The following EMILIN2 variants were observed in gnomAD, a reference collection of about 807,000 sequenced individuals.
The protein encoded by EMILIN2 is EMILIN-2.
A neutral mutation model predicts 87.1 loss-of-function variants in EMILIN2; 71 were observed. The observed-to-expected ratio is 0.82, with a 90% CI of 0.67 to 0.99. The LOEUF is 0.99. Ranked by LOEUF, EMILIN2 falls within the 50% of genes least tolerant of loss-of-function variation. The pLI is 0.00. For missense variants in EMILIN2, 1,407 were observed against 1,371.8 expected, an observed-to-expected ratio of 1.03 and a Z score of -0.40; for synonymous variants, 581 against 563.4, an observed-to-expected ratio of 1.03 and a Z score of -0.44.
intron 5 of EMILIN2, among the ~76,000 whole-genome samples, 185 bp downstream of exon 5, chr18:2,907,270 C>T (rs1293095696): frequency 1.3e-5 from 2 of 152,212 alleles, no homozygotes; most frequent in East Asian, 1.9e-4. Flanking sequence ...ACACGGAGGC[C>T]GGGGCACCTC....
At chr18:2,909,562 T>C (rs972456166) in intron 6 of EMILIN2, 129 bp from the exon 7 acceptor site, 194 of 1,241,576 alleles carry the variant, frequency 1.6e-4, no homozygotes, top group Non-Finnish European at 2.0e-4. Context: ...AGGAGTTTGC[T>C]TCACCACTTT....
chr18:2,907,147 C>T (rs1301840655), intron 5 of EMILIN2, 62 bp downstream of exon 5: 3 of 1,225,504 alleles, frequency 2.4e-6, no homozygotes, highest in Non-Finnish European at 3.1e-6. Flanking sequence ...GCCTGAGCCT[C>T]GGGGTCTGCT....
chr18:2,898,868 A>T (rs554261023), intron 4 of EMILIN2, among the ~76,000 whole-genome samples: 2 of 152,284 alleles, frequency 1.3e-5, no homozygotes, highest in East Asian at 3.9e-4. Context: ...AGTTTTATAA[A>T]CATATAAAGG....
chr18:2,878,018 C>T (rs975341901), intron 2 of EMILIN2, among the ~76,000 whole-genome samples: 5 of 152,096 alleles, frequency 3.3e-5, no homozygotes, highest in African/African-American at 1.2e-4. Context: ...GGAGAATGTA[C>T]AGTGGTGGTT....
At chr18:2,860,861 A>C (rs544201914) in intron 2 of EMILIN2, among the ~76,000 whole-genome samples, 2,889 of 152,270 alleles carry the variant, frequency 0.019, 68 homozygotes, top group African/African-American at 0.064. Context: ...CCAACAGTGT[A>C]AAAGTGTTCC....
intron 2 of EMILIN2, among the ~76,000 whole-genome samples, chr18:2,862,874 TATTA>T (rs752895949): frequency 6.6e-6 from 1 of 152,240 alleles, no homozygotes; most frequent in Non-Finnish European, 1.5e-5. Flanking sequence ...GTTTGAAATC[TATTA>T]ATTATTGCCT....
intron 3 of EMILIN2, among the ~76,000 whole-genome samples, chr18:2,888,173 A>G (rs892848828): frequency 6.6e-6 from 1 of 152,170 alleles, no homozygotes; most frequent in African/African-American, 2.4e-5. Context: ...CTCATTTCTG[A>G]TTATTCACTA....
Position 2,913,510 on chromosome 18 carries a change from T to C in EMILIN2, c.*106T>C, listed in dbSNP as rs111796189. The C allele has an allele frequency of 2.4e-3, 2,226 of 912,646 alleles. 33 individuals are homozygous for C. The African/African-American group carries it at 0.032, about 13-fold the overall frequency. The allele number at this position is 912,646 out of a possible 1,614,324, so 56.5% of individuals were successfully genotyped here. On this transcript the variant is annotated 3_prime_UTR_variant, in exon 8 of 8. Coordinates refer to ENST00000254528, the MANE Select transcript of EMILIN2 (RefSeq NM_032048.3). Reference sequence around the variant, plus strand: ...GAAGCACGGGGCTAGAGTTTCCACATAGGCCCCAACATAAAGGCCTTCCCT... The same window carrying C: ...GAAGCACGGGGCTAGAGTTTCCACACAGGCCCCAACATAAAGGCCTTCCCT...
intron 4 of EMILIN2, among the ~76,000 whole-genome samples, chr18:2,899,736 T>C (rs921816280): frequency 1.3e-5 from 2 of 152,134 alleles, no homozygotes; most frequent in Non-Finnish European, 2.9e-5. Flanking sequence ...ACTCCTGACC[T>C]CAGGTGATCC....
Position 2,892,364 on chromosome 18 carries a change from G to A in EMILIN2, c.2237G>A (p.Gly746Glu), listed in dbSNP as rs372838211. The A allele has an allele frequency of 1.2e-6, 2 of 1,614,172 alleles. No homozygotes were observed. Among genetic ancestry groups the A allele is most frequent in the East Asian group, 4.5e-5 (2 of 44,878 alleles). Residue 746 changes from glycine to glutamate, a missense_variant, in exon 4 of 8, where the codon GGA becomes GAA. Physicochemically the swap from Gly to Glu is moderately conservative, Grantham distance 98. Coordinates refer to ENST00000254528, the MANE Select transcript of EMILIN2 (RefSeq NM_032048.3). ...SLWNCVRQMN[G>E]TLRSHSRDIS... is the part of the protein sequence containing the mutation. Reference sequence around the variant, plus strand: ...TGGAACTGTGTCAGGCAGATGAACGGAACGCTCAGGTCGCATTCCAGAGAC... The same window carrying A: ...TGGAACTGTGTCAGGCAGATGAACGAAACGCTCAGGTCGCATTCCAGAGAC...
chr18:2,910,642 G>C (rs940382105), intron 7 of EMILIN2, among the ~76,000 whole-genome samples: 7 of 152,166 alleles, frequency 4.6e-5, no homozygotes, highest in Non-Finnish European at 8.8e-5. Context: ...CCTCCTGGAG[G>C]GGGGTGGGGC....
At chr18:2,863,215 T>C (rs915090179) in intron 2 of EMILIN2, among the ~76,000 whole-genome samples, 1 of 152,156 alleles carries the variant, frequency 6.6e-6, no homozygotes, top group Non-Finnish European at 1.5e-5. Flanking sequence ...GTGTCTCTAT[T>C]TCCTTCAGTT....
At chr18:2,879,173 C>T (rs2076764521) in intron 2 of EMILIN2, among the ~76,000 whole-genome samples, 1 of 152,096 alleles carries the variant, frequency 6.6e-6, no homozygotes, top group Non-Finnish European at 1.5e-5. Flanking sequence ...TGAACAGATG[C>T]GCGCCTGCTG....
intron 4 of EMILIN2, among the ~76,000 whole-genome samples, chr18:2,903,949 T>C (rs1224906121): frequency 6.6e-6 from 1 of 152,240 alleles, no homozygotes; most frequent in East Asian, 1.9e-4. Context: ...TGCTTTTTCA[T>C]GGTTTACTCC....
intron 2 of EMILIN2, among the ~76,000 whole-genome samples, chr18:2,867,979 G>A (rs1473111018): frequency 6.6e-6 from 1 of 151,488 alleles, no homozygotes; most frequent in Non-Finnish European, 1.5e-5. Context: ...CGGGCAGGGG[G>A]CTGACCCCCC....
At chr18:2,884,112 C>T (rs564251520) in intron 2 of EMILIN2, among the ~76,000 whole-genome samples, 41 of 152,212 alleles carry the variant, frequency 2.7e-4, no homozygotes, top group Admixed American at 2.2e-3. Context: ...CACGCCATCA[C>T]GCCCGGCTAA....
chr18:2,852,159 C>T (rs529250178), intron 2 of EMILIN2, among the ~76,000 whole-genome samples: 9 of 152,330 alleles, frequency 5.9e-5, no homozygotes, highest in Admixed American at 3.9e-4. Context: ...TGTGTGCATT[C>T]GCGCGTGTGC....
At chr18:2,896,792 G>A (rs1188584523) in intron 4 of EMILIN2, among the ~76,000 whole-genome samples, 2 of 152,154 alleles carry the variant, frequency 1.3e-5, no homozygotes, top group Non-Finnish European at 2.9e-5. Flanking sequence ...TTACGGGCAT[G>A]AGCCAGTGCA....
intron 2 of EMILIN2, among the ~76,000 whole-genome samples, chr18:2,860,709 T>G (rs1182239536): frequency 5.9e-5 from 9 of 152,252 alleles, no homozygotes; most frequent in Non-Finnish European, 1.3e-4. Flanking sequence ...CATGTGCATG[T>G]GTCTTTATAG....
Sources: gnomAD v4.1 joint callset for allele counts (sites outside exome capture counted in the v4.1 genomes callset) on GRCh38, gnomAD v4.1.1 for gene constraint, MANE v1.5 for transcripts, NCBI Gene and HGNC (gene_info 2026-07-23, HGNC 2026-07-21) for gene names.